The following ZFPM2 variants were observed in gnomAD, a reference collection of about 807,000 sequenced individuals.
ZFPM2 encodes zinc finger protein ZFPM2.
A neutral mutation model predicts 98.6 loss-of-function variants in ZFPM2; 20 were observed. The ratio of observed to expected loss-of-function variants is 0.20; its 90% CI spans 0.14 to 0.29. ZFPM2 has a LOEUF of 0.29. ZFPM2 is among the 10% of genes least tolerant of loss of function. The probability of loss-of-function intolerance (pLI) is 1.00; values close to 1 mark genes in which losing one functional copy is unlikely to be tolerated. For missense variants in ZFPM2, 1,310 were observed against 1,388.6 expected (o/e 0.94, Z 0.90); for synonymous variants, 518 against 502.7 (o/e 1.03, Z -0.41).
chr8:105,538,409 T>C (rs1237275358), intron 3 of ZFPM2, among the ~76,000 whole-genome samples: 3 of 152,192 alleles, frequency 2.0e-5, no homozygotes, highest in Non-Finnish European at 4.4e-5. Context: ...TAGATTTTAT[T>C]TATCTTGGCT....
intron 5 of ZFPM2, among the ~76,000 whole-genome samples, chr8:105,681,074 A>G (rs1810589287): frequency 6.6e-6 from 1 of 152,216 alleles, no homozygotes; most frequent in Admixed American, 6.5e-5. Context: ...TGCACATGCA[A>G]AATAATTCAA....
Position 105,579,158 on chromosome 8 carries a change from T to A in ZFPM2, c.420+17677T>A, listed in dbSNP as rs183065469. Among the ~76,000 whole-genome samples the A allele has an allele frequency of 1.1e-4, 17 of 150,182 alleles. No individual in the cohort carries two copies. In the Middle Eastern group the frequency reaches 0.017, roughly 150 times the overall value. On this transcript the variant is annotated intron_variant, in intron 4 of 7. Coordinates refer to ENST00000407775, the MANE Select transcript of ZFPM2 (RefSeq NM_012082.4). ...TAACGACTATATTTTTGTCAAATTCTTGTAGTAAACTGCATTGCCTGATAC... is the reference window on the plus strand; with the variant it reads ...TAACGACTATATTTTTGTCAAATTCATGTAGTAAACTGCATTGCCTGATAC...
chr8:105,508,777 T>A (rs1238023812), intron 3 of ZFPM2, among the ~76,000 whole-genome samples: 2 of 150,976 alleles, frequency 1.3e-5, no homozygotes, highest in Non-Finnish European at 2.9e-5. Flanking sequence ...AGACAGCCCA[T>A]CTTTCTGCAG....
At chr8:105,699,804 A>C (rs1811099931) in intron 5 of ZFPM2, among the ~76,000 whole-genome samples, 1 of 152,214 alleles carries the variant, frequency 6.6e-6, no homozygotes, top group Non-Finnish European at 1.5e-5. Flanking sequence ...ACACAAAGTC[A>C]TAAAATAAAA....
chr8:105,552,163 T>TCTTTGGA (rs1425557185), intron 3 of ZFPM2, among the ~76,000 whole-genome samples: 2 of 152,190 alleles, frequency 1.3e-5, no homozygotes, highest in South Asian at 2.1e-4. Context: ...ATTTTTATCT[T>TCTTTGGA]GTTTCTTCTT....
At chr8:105,458,971 A>C (rs1435153960) in intron 3 of ZFPM2, among the ~76,000 whole-genome samples, 5 of 152,186 alleles carry the variant, frequency 3.3e-5, no homozygotes, top group Admixed American at 2.6e-4. Flanking sequence ...AAAGGAAAAA[A>C]ACTTTAAAGA....
intron 4 of ZFPM2, among the ~76,000 whole-genome samples, chr8:105,583,190 A>G (rs1334949926): frequency 6.6e-6 from 1 of 152,148 alleles, no homozygotes; most frequent in Non-Finnish European, 1.5e-5. Context: ...TGAGTGAAAT[A>G]TGGAATGGAA....
chr8:105,489,466 A>ATATATATATATATTT (rs1554610604), intron 3 of ZFPM2, among the ~76,000 whole-genome samples: 6 of 119,808 alleles, frequency 5.0e-5, no homozygotes, highest in African/African-American at 1.1e-4. Context: ...ATATATATAT[A>ATATATATATATATTT]TTTTTTTTTT....
chr8:105,396,585 A>G (rs1440779521), intron 1 of ZFPM2, among the ~76,000 whole-genome samples: 4 of 152,200 alleles, frequency 2.6e-5, no homozygotes, highest in African/African-American at 7.2e-5. Context: ...TTAGGAATGA[A>G]GATTGGTTCA....
At chr8:105,669,077 A>T (rs1817540661) in intron 5 of ZFPM2, among the ~76,000 whole-genome samples, 1 of 152,106 alleles carries the variant, frequency 6.6e-6, no homozygotes, top group African/African-American at 2.4e-5. Context: ...TAGAGTAAAA[A>T]GAGTAATAAA....
In ZFPM2 at chr8:105,597,046, T is replaced by G. The variant is rs1229491770; in HGVS notation, c.420+35565T>G. Among the ~76,000 whole-genome samples, 21 of 152,118 alleles carry G rather than the reference T, an allele frequency of 1.4e-4. 1 individual carries two copies. The South Asian group carries it at 3.3e-3, about 24-fold the overall frequency. ...TGTTTCAATTTCCTGACACACCTCC[T>G]AAATGTAACAGCTGCATTCTTACTG... On this transcript the variant is annotated intron_variant, in intron 4 of 7. Transcript: ENST00000407775.
At chr8:105,517,078 G>A (rs756434624) in intron 3 of ZFPM2, among the ~76,000 whole-genome samples, 6 of 152,134 alleles carry the variant, frequency 3.9e-5, no homozygotes, top group African/African-American at 9.7e-5. Context: ...AACAAGATTT[G>A]TGGAACCCTT....
chr8:105,349,847 A>G (rs1319693009), intron 1 of ZFPM2, among the ~76,000 whole-genome samples: 1 of 152,178 alleles, frequency 6.6e-6, no homozygotes, highest in African/African-American at 2.4e-5. Flanking sequence ...TTATAACTGG[A>G]AATATTTTTC....
intron 5 of ZFPM2, among the ~76,000 whole-genome samples, chr8:105,688,472 AATAT>A (rs1257369150): frequency 6.6e-6 from 1 of 152,152 alleles, no homozygotes; most frequent in Admixed American, 6.5e-5. Flanking sequence ...TCATTTATGG[AATAT>A]ATAAACATGT....
rs1554610604 is a variant in ZFPM2, at chr8:105,489,466, A to ATATATATATATATATATATATATATATTT, written c.301+45086_301+45087insATATATATATATATATATATATATATTTT. On this transcript the variant is annotated intron_variant, in intron 3 of 7. Transcript: ENST00000407775. Reference sequence around the variant, plus strand: ...TATGTTTTTATATATATATATATATATTTTTTTTTTTTTTTGAGATGGAAT... The same window carrying ATATATATATATATATATATATATATATTT: ...TATGTTTTTATATATATATATATATATATATATATATATATATATATATATATTTTTTTTTTTTTTTTTTGAGATGGAAT... Among the ~76,000 whole-genome samples, 42 of 119,734 alleles carry ATATATATATATATATATATATATATATTT rather than the reference A, an allele frequency of 3.5e-4. 1 individual carries two copies. Among genetic ancestry groups the ATATATATATATATATATATATATATATTT allele is most frequent in the African/African-American group, 1.4e-3 (38 of 27,586 alleles). 78.6% of individuals were successfully genotyped at this position (119,734 alleles called of 152,430 possible). A position where few individuals can be genotyped will look rare whatever the true frequency, so the allele number is the denominator to read the frequency against.
intron 1 of ZFPM2, among the ~76,000 whole-genome samples, chr8:105,320,647 T>C (rs995736493): frequency 6.6e-6 from 1 of 152,190 alleles, no homozygotes; most frequent in African/African-American, 2.4e-5. Context: ...TGTTAATAAA[T>C]AATTAATATT....
At chr8:105,485,554 C>T (rs540070885) in intron 3 of ZFPM2, among the ~76,000 whole-genome samples, 3 of 152,184 alleles carry the variant, frequency 2.0e-5, no homozygotes, top group Admixed American at 6.5e-5. Flanking sequence ...ATTGTAGCCT[C>T]TGTGTAACGG....
intron 5 of ZFPM2, among the ~76,000 whole-genome samples, chr8:105,665,178 C>G (rs973198122): frequency 2.0e-5 from 3 of 152,036 alleles, no homozygotes; most frequent in African/African-American, 4.8e-5. Context: ...TATAACAATC[C>G]ACTCTCATGA....
chr8:105,522,510 G>A (rs1158225691), intron 3 of ZFPM2, among the ~76,000 whole-genome samples: 1 of 152,090 alleles, frequency 6.6e-6, no homozygotes, highest in African/African-American at 2.4e-5. Context: ...GGTGGCTCAC[G>A]CCTGTAATCC....
Sources: allele counts gnomAD v4.1 joint callset (sites outside exome capture counted in the v4.1 genomes callset), GRCh38; gene constraint gnomAD v4.1.1; transcripts MANE v1.5; gene names NCBI Gene and HGNC (gene_info 2026-07-23, HGNC 2026-07-21).